The following GLIPR1L2 variants were observed in gnomAD, a reference collection of about 807,000 sequenced individuals.
GLIPR1L2 encodes the protein GLIPR1 like 2.
Under a neutral mutation model 28.4 loss-of-function variants are expected in GLIPR1L2, and 21 were observed. The observed-to-expected ratio is 0.74, with a 90% CI of 0.52 to 1.06. GLIPR1L2 has a LOEUF of 1.06. Ranked by LOEUF, GLIPR1L2 falls within the 50% of genes least tolerant of loss-of-function variation. GLIPR1L2 has a pLI of 0.00. For synonymous variants in GLIPR1L2, 145 were observed against 139.3 expected, an observed-to-expected ratio of 1.04 and a Z score of -0.29; for missense variants, 476 against 416.9, an observed-to-expected ratio of 1.14 and a Z score of -1.23.
chr12:75,394,315 G>A (rs1566062400), intron 1 of GLIPR1L2, among the ~76,000 whole-genome samples: 1 of 151,762 alleles, frequency 6.6e-6, no homozygotes, highest in African/African-American at 2.4e-5. Flanking sequence ...ATTTTTTGTC[G>A]TATCCAAGAA....
rs375633723 is a variant in GLIPR1L2, at chr12:75,391,182, C to T, written c.66C>T (p.Gly22=). 2.3e-5 allele frequency: 37 copies of T among 1,614,062 alleles called. No individual in the cohort carries two copies. Among genetic ancestry groups the T allele is most frequent in the African/African-American group, 4.0e-5 (3 of 74,942 alleles). Residue 22 remains glycine (G), a synonymous_variant, in exon 1 of 6, where the codon GGC becomes GGT. Transcript: ENST00000550916. ...AGTCCCTACCCCTGGCAGTAGGGGG[C>T]GTTTTGAAGCTGCGGCTCTGTGAGC... is the stretch of plus-strand genomic sequence containing the variant. ...RAQSLPLAVG[G]VLKLRLCELW...
At chr12:75,401,721 A>G (rs1396302460) in intron 1 of GLIPR1L2, among the ~76,000 whole-genome samples, 3 of 152,132 alleles carry the variant, frequency 2.0e-5, no homozygotes, top group African/African-American at 4.8e-5. Context: ...GTTGGTTGAT[A>G]GAATCTTAAC....
At chr12:75,416,105 A>G (rs1487926536) in intron 3 of GLIPR1L2, among the ~76,000 whole-genome samples, 2 of 152,144 alleles carry the variant, frequency 1.3e-5, no homozygotes, top group Non-Finnish European at 2.9e-5. Context: ...GGAGCTAATA[A>G]TACAAGCCGA....
At position 75,430,756 on chromosome 12, in the gene GLIPR1L2, C is replaced by G; in HGVS notation, c.697+15C>G. 6.5e-7 allele frequency: 1 copy of G among 1,534,532 alleles called. No individual in the cohort carries two copies. The highest frequency in any genetic ancestry group is 2.4e-5 in the East Asian group (1 of 40,884). On this transcript the variant is annotated intron_variant, in intron 5 of 5. Coordinates refer to ENST00000550916, the MANE Select transcript of GLIPR1L2 (RefSeq NM_001270396.2). The stretch of plus-strand genomic sequence containing the variant: ...CCAAGCCACATGTATGTATTGTTGT[C>G]CTTTATTTCTTGAACAATTGAACTG...
chr12:75,424,704 C>T (rs1051810212), intron 4 of GLIPR1L2, among the ~76,000 whole-genome samples: 9 of 151,956 alleles, frequency 5.9e-5, no homozygotes, highest in Non-Finnish European at 1.2e-4. Context: ...CCTACCTCAG[C>T]CTCCCAAATA....
intron 1 of GLIPR1L2, among the ~76,000 whole-genome samples, chr12:75,402,324 T>A (rs1232886826): frequency 2.6e-5 from 4 of 152,158 alleles, no homozygotes; most frequent in Admixed American, 2.6e-4. Context: ...TTCTGAATAA[T>A]CTTCAAAGAA....
intron 1 of GLIPR1L2, among the ~76,000 whole-genome samples, chr12:75,397,801 T>C (rs866455813): frequency 2.0e-5 from 3 of 152,146 alleles, no homozygotes; most frequent in Non-Finnish European, 2.9e-5. Flanking sequence ...CTGCTTCATT[T>C]AGGAAGAAGT....
intron 1 of GLIPR1L2, among the ~76,000 whole-genome samples, chr12:75,407,408 AAGAC>A (rs557762341): frequency 2.4e-4 from 36 of 152,268 alleles, no homozygotes; most frequent in African/African-American, 6.7e-4. Context: ...GGAAAATTAA[AAGAC>A]AGAGAGAATA....
chr12:75,408,060 T>G (rs1216788470), intron 1 of GLIPR1L2, among the ~76,000 whole-genome samples: 1 of 151,862 alleles, frequency 6.6e-6, no homozygotes, highest in Non-Finnish European at 1.5e-5. Context: ...TATAAGAGAG[T>G]ACAAATTAGA....
In GLIPR1L2 at chr12:75,413,647, C is replaced by T; in HGVS notation, c.530C>T (p.Ser177Leu). ...GTTGGTTGTGCTGTTACTCCATGTT[C>T]AAAAATTGGACATATTATACATGCA... ...YKVGCAVTPCSKIGHIIHAAI... is the reference protein window; with the variant it reads ...YKVGCAVTPCLKIGHIIHAAI... Residue 177 changes from serine to leucine, a missense_variant, in exon 3 of 6, where the codon TCA becomes TTA. Physicochemically the swap from Ser to Leu is moderately radical, Grantham distance 145. Transcript: ENST00000550916. 6.4e-7 allele frequency: 1 copy of T among 1,567,316 alleles called. No homozygotes were observed. Among genetic ancestry groups the T allele is most frequent in the Non-Finnish European group, 8.6e-7 (1 of 1,160,640 alleles).
chr12:75,421,529 AT>A (rs2045975909), intron 3 of GLIPR1L2, among the ~76,000 whole-genome samples: 1 of 152,230 alleles, frequency 6.6e-6, no homozygotes, highest in Admixed American at 6.5e-5. Context: ...ATAGCTCCCA[AT>A]TATATACCAG....
intron 5 of GLIPR1L2, 29 bp from the exon 6 acceptor site, chr12:75,430,795 C>G (rs1214751563): frequency 6.5e-7 from 1 of 1,532,380 alleles, no homozygotes; most frequent in Admixed American, 2.0e-5. Flanking sequence ...TATATGAAAT[C>G]CAGCTTTCAA....
intron 1 of GLIPR1L2, among the ~76,000 whole-genome samples, chr12:75,408,391 C>T (rs2045825706): frequency 6.6e-6 from 1 of 151,562 alleles, no homozygotes; most frequent in Non-Finnish European, 1.5e-5. Flanking sequence ...ATTTAAACTA[C>T]TTAACCTCTT....
Position 75,418,262 on chromosome 12 carries a change from C to T in GLIPR1L2, c.584+4561C>T, listed in dbSNP as rs2045942887. ...TAAGTAATGGAATTAGGAGAGCCTA[C>T]TGGCTGGATAAAAGTAAAACTGAGT... On this transcript the variant is annotated intron_variant, in intron 3 of 5. Coordinates refer to ENST00000550916, the MANE Select transcript of GLIPR1L2 (RefSeq NM_001270396.2). 2.0e-5 allele frequency among the ~76,000 whole-genome samples: 3 copies of T among 152,224 alleles called. No individual in the cohort carries two copies. In the South Asian group the frequency reaches 6.2e-4, roughly 32 times the overall value.
chr12:75,427,769 A>G (rs1204021871), intron 4 of GLIPR1L2, among the ~76,000 whole-genome samples: 6 of 152,140 alleles, frequency 3.9e-5, no homozygotes, highest in Non-Finnish European at 7.3e-5. Flanking sequence ...GTGAGTTCTC[A>G]TGAGATCTGA....
intron 2 of GLIPR1L2, among the ~76,000 whole-genome samples, chr12:75,413,044 A>G (rs1470030963): frequency 6.6e-6 from 1 of 152,066 alleles, no homozygotes; most frequent in Non-Finnish European, 1.5e-5. Flanking sequence ...TGTCCTTTGT[A>G]GGGACATGGA....
intron 1 of GLIPR1L2, among the ~76,000 whole-genome samples, chr12:75,401,473 G>A (rs35505142): frequency 0.2 from 30,859 of 151,610 alleles, 3,628 homozygotes; most frequent in African/African-American, 0.3. Flanking sequence ...CTAAAAATAC[G>A]AAGAAATATT....
intron 1 of GLIPR1L2, among the ~76,000 whole-genome samples, chr12:75,394,540 A>G (rs1201763951): frequency 6.6e-6 from 1 of 151,944 alleles, no homozygotes; most frequent in African/African-American, 2.4e-5. Context: ...AAATCGTTTG[A>G]CCATATATGC....
intron 4 of GLIPR1L2, 34 bp downstream of exon 4, chr12:75,423,023 A>T: frequency 6.3e-7 from 1 of 1,596,670 alleles, no homozygotes; most frequent in Non-Finnish European, 8.5e-7. Flanking sequence ...AAAAAAATGC[A>T]TAATGGATTG....
Sources: allele counts gnomAD v4.1 joint callset (sites outside exome capture counted in the v4.1 genomes callset), GRCh38; gene constraint gnomAD v4.1.1; transcripts MANE v1.5; gene names NCBI Gene and HGNC (gene_info 2026-07-23, HGNC 2026-07-21).